DHX37: variants seen among roughly 807,000 people sequenced by gnomAD.
The protein encoded by DHX37 is probable ATP-dependent RNA helicase DHX37.
In DHX37, 52 loss-of-function variants were observed where a neutral mutation model predicts 134.3. That is an observed-to-expected ratio of 0.39 (90% confidence interval 0.31 to 0.49). The LOEUF (loss-of-function observed/expected upper bound fraction) is 0.49, where lower values mean the gene tolerates loss of function less well. Among genes scored for constraint, DHX37 ranks in the 20% least tolerant of loss-of-function variants. The pLI, the probability that DHX37 is intolerant of heterozygous loss-of-function variation, is 0.93. For synonymous variants in DHX37, 634 were observed against 670.7 expected, an observed-to-expected ratio of 0.95 and a Z score of 0.85; for missense variants, 1,344 against 1,580.8, an observed-to-expected ratio of 0.85 and a Z score of 2.54.
At position 124,957,060 on chromosome 12, in the gene DHX37, C is replaced by T; in HGVS notation, c.2233G>A (p.Gly745Ser). The part of the protein sequence containing the change: ...LAAEELLIAL[G>S]ALQPPQKAER... ...GCTTTCTGGGGCGGTTGCAGGGCAC[C>T]CAGTGCGATCAACAGCTCCTCGGCG... The change falls in exon 17 of 27, where the codon GGT becomes AGT. Residue 745 changes from glycine to serine, a missense_variant. Coordinates refer to ENST00000308736, the MANE Select transcript of DHX37 (RefSeq NM_032656.4). 6.6e-7 allele frequency: 1 copy of T among 1,508,562 alleles called. No homozygotes were observed. Among genetic ancestry groups the T allele is most frequent in the Non-Finnish European group, 8.8e-7 (1 of 1,133,356 alleles). 93.4% of individuals were successfully genotyped at this position (1,508,562 alleles called of 1,614,324 possible).
At chr12:124,948,375 G>A (rs118127015) in intron 25 of DHX37, 194 bp from the exon 26 acceptor site, 14,201 of 978,650 alleles carry the variant, frequency 0.015, 138 homozygotes, top group African/African-American at 0.043. Flanking sequence ...CCTTGAGCCT[G>A]GGAGTTGGAG....
intron 10 of DHX37, among the ~76,000 whole-genome samples, chr12:124,968,006 G>A (rs1200752858): frequency 2.6e-5 from 4 of 152,060 alleles, no homozygotes; most frequent in Admixed American, 6.6e-5. Flanking sequence ...ACTTGAACCC[G>A]GGAGGTGGAG....
At chr12:124,988,134 C>T (rs1954909396) in intron 1 of DHX37, among the ~76,000 whole-genome samples, 1 of 151,860 alleles carries the variant, frequency 6.6e-6, no homozygotes, top group Non-Finnish European at 1.5e-5. Context: ...GCTGGGACTA[C>T]AGGTGCCCAC....
chr12:124,965,221 C>T (rs1332773511), intron 13 of DHX37, among the ~76,000 whole-genome samples: 3 of 152,230 alleles, frequency 2.0e-5, no homozygotes, highest in African/African-American at 7.2e-5. Flanking sequence ...TGAACCGGAT[C>T]TGAACCCCTG....
Position 124,949,863 on chromosome 12 carries a change from G to T in DHX37, c.3290+123C>A. On this transcript the variant is annotated intron_variant, in intron 25 of 26. Coordinates refer to ENST00000308736, the MANE Select transcript of DHX37 (RefSeq NM_032656.4). This position sits in a 1 kb window ranked among gnomAD's most constrained non-coding sequence, Gnocchi z 4.0. ...GTGGCTCTGCAGAGCCTTCAGACCT[G>T]AGCACAGACTTCTGATGTTTTAAGC... 1.8e-6 allele frequency: 2 copies of T among 1,140,220 alleles called. No individual in the cohort carries two copies. Among genetic ancestry groups the T allele is most frequent in the African/African-American group, 1.5e-5 (1 of 65,032 alleles). 70.6% of individuals were successfully genotyped at this position (1,140,220 alleles called of 1,614,324 possible). A position where few individuals can be genotyped will look rare whatever the true frequency, so the allele number is the denominator to read the frequency against.
intron 20 of DHX37, chr12:124,953,572 G>A: frequency 2.7e-6 from 1 of 374,958 alleles, no homozygotes; most frequent in Non-Finnish European, 5.0e-6. Flanking sequence ...CATGTGGGAG[G>A]GAAGAGGGGT....
In DHX37 at chr12:124,956,796, C is replaced by T. The variant is rs144942500; in HGVS notation, c.2348G>A (p.Arg783His). The T allele has an allele frequency of 9.7e-5, 156 of 1,611,864 alleles. No individual in the cohort carries two copies. In the African/African-American group the frequency reaches 1.6e-3, roughly 17 times the overall value. The change falls in exon 18 of 27, where the codon CGC becomes CAC. Residue 783 changes from arginine (R) to histidine (H), a missense_variant. Arg to His is a conservative substitution (Grantham distance 29, BLOSUM62 0). Around this residue, in one of 7 missense-constraint regions of DHX37, gnomAD observed 558 missense variants for 650.0 expected, o/e 0.86. Transcript: ENST00000308736. ...RTMATFPVAP[R>H]YAKMLALSRQ... ...GCTCAGTGCCAGCATCTTAGCGTAGCGGGGTGCCACGGGGAATGTGGCCAT... is the reference window on the plus strand; with the variant it reads ...GCTCAGTGCCAGCATCTTAGCGTAGTGGGGTGCCACGGGGAATGTGGCCAT...
chr12:124,967,584 G>A (rs1255308909), intron 10 of DHX37, among the ~76,000 whole-genome samples: 2 of 152,140 alleles, frequency 1.3e-5, no homozygotes, highest in African/African-American at 4.8e-5. Flanking sequence ...CTCACCTCCT[G>A]CCAGCCCCAG....
chr12:124,981,587 A>C (rs1426422795), intron 3 of DHX37, among the ~76,000 whole-genome samples: 1 of 152,094 alleles, frequency 6.6e-6, no homozygotes, highest in East Asian at 1.9e-4. Context: ...GGCATGAGCC[A>C]CCATGCCCAG....
rs1216803574 is a variant in DHX37 at position 124,949,937 on chromosome 12, G to A, written c.3290+49C>T. 1 of 1,553,178 alleles carries A rather than the reference G, an allele frequency of 6.4e-7. No individual in the cohort carries two copies. The highest frequency in any genetic ancestry group is 2.4e-5 in the East Asian group (1 of 41,842). ...CTGGCAGCCCCGGGGAGGTCATTCA[G>A]GCCTCGGACCCCTCCTGCCCACTGC... On this transcript the variant is annotated intron_variant, in intron 25 of 26. Transcript: ENST00000308736. The surrounding 1 kb of genome is among the most constrained non-coding windows in gnomAD (Gnocchi z 4.0).
rs899738582 is a variant in DHX37 at position 124,947,701 on chromosome 12, G to A, written c.*101C>T. On this transcript the variant is annotated 3_prime_UTR_variant, in exon 27 of 27. Transcript: ENST00000308736. ...GGCTTGACCCACTTCCTGAGAGCAG[G>A]CCACGAAGCCCATGCCAGGTGGTCA... 39 of 1,412,350 alleles carry A rather than the reference G, an allele frequency of 2.8e-5. No homozygotes were observed. The highest frequency in any genetic ancestry group is 2.3e-4 in the Admixed American group (8 of 35,280). 87.5% of individuals were successfully genotyped at this position (1,412,350 alleles called of 1,614,324 possible).
At chr12:124,954,316 G>A in intron 18 of DHX37, 105 bp from the exon 19 acceptor site, 4 of 1,463,774 alleles carry the variant, frequency 2.7e-6, no homozygotes, top group Non-Finnish European at 3.6e-6. Context: ...AGGCCTTGTG[G>A]GGTCACTGAT....
rs116497060 is a variant in DHX37, at chr12:124,986,258, G to T, written c.114C>A (p.Asp38Glu). 14 of 1,613,520 alleles carry T rather than the reference G, an allele frequency of 8.7e-6. No homozygotes were observed. In the East Asian group the frequency reaches 3.1e-4, roughly 36 times the overall value. ...PPVQLELEDK[D>E]TLKGVDASNA... ...TGCTTGCATCAACTCCCTTCAACGT[G>T]TCCTTGTCTGAGAGAGCACAGTTAT... Residue 38 changes from aspartate (D) to glutamate (E), a missense_variant, in exon 2 of 27, where the codon GAC becomes GAA. Transcript: ENST00000308736.
At chr12:124,981,617 T>A (rs1459536757) in intron 3 of DHX37, among the ~76,000 whole-genome samples, 10 of 151,912 alleles carry the variant, frequency 6.6e-5, no homozygotes, top group Non-Finnish European at 1.5e-4. Context: ...GTATTTTTAG[T>A]GGAGACAGGG....
In DHX37 at chr12:124,986,214, C is replaced by G; in HGVS notation, c.158G>C (p.Gly53Ala). The G allele has an allele frequency of 6.2e-7, 1 of 1,614,114 alleles. No homozygotes were observed. Residue 53 changes from glycine (G) to alanine (A), a missense_variant, in exon 2 of 27, where the codon GGG becomes GCG. By Grantham distance (60) the Gly-to-Ala change is moderately conservative. Coordinates refer to ENST00000308736, the MANE Select transcript of DHX37 (RefSeq NM_032656.4). ...VDASNALVLPGKKKKKTKAPP... is the reference protein window; with the variant it reads ...VDASNALVLPAKKKKKTKAPP... The stretch of plus-strand genomic sequence containing the variant: ...GGCTTTGGTCTTCTTTTTCTTCTTC[C>G]CCGGTAGAACGAGCGCGTTGCTTGC...
chr12:124,948,186 G>T lies in DHX37; in HGVS notation c.3291-5C>A, dbSNP rs777066276. On this transcript the variant is annotated splice_polypyrimidine_tract_variant and splice_region_variant and intron_variant, in intron 25 of 26. Coordinates refer to ENST00000308736, the MANE Select transcript of DHX37 (RefSeq NM_032656.4). ...CTCTCCGTACGGGGCTGCAGCCTGT[G>T]GGGCAGGAATGCACGTTGGTGGCAG... 5 of 1,613,148 alleles carry T rather than the reference G, an allele frequency of 3.1e-6. No individual in the cohort carries two copies. In the South Asian group the frequency reaches 5.5e-5, roughly 18 times the overall value.
intron 18 of DHX37, 88 bp from the exon 19 acceptor site, chr12:124,954,299 G>A: frequency 1.3e-6 from 2 of 1,496,518 alleles, no homozygotes; most frequent in South Asian, 1.4e-5. Flanking sequence ...CATCGGGACA[G>A]GCTCAGAGGC....
Position 124,953,913 on chromosome 12 carries a change from T to C in DHX37, c.2662A>G (p.Ile888Val). 6.2e-7 allele frequency: 1 copy of C among 1,612,494 alleles called. No individual in the cohort carries two copies. Among genetic ancestry groups the C allele is most frequent in the Non-Finnish European group, 8.5e-7 (1 of 1,179,650 alleles). ...NGLRYKAMME[I>V]RRLRGQLTTA... ...GTCAGCTGGCCCCGCAGGCGCCGGA[T>C]CTCCATCATGGCTTTGTACCGCAGC... is the stretch of plus-strand genomic sequence containing the variant. Residue 888 changes from isoleucine to valine, a missense_variant, in exon 20 of 27, where the codon ATC (isoleucine) becomes GTC (valine). Ile to Val is a conservative substitution (Grantham distance 29). Around this residue, in one of 7 missense-constraint regions of DHX37, gnomAD observed 558 missense variants for 650.0 expected, o/e 0.86. Transcript: ENST00000308736.
chr12:124,965,876 G>A, intron 12 of DHX37, 64 bp from the exon 13 acceptor site: 1 of 1,564,484 alleles, frequency 6.4e-7, no homozygotes, highest in East Asian at 2.3e-5. Flanking sequence ...CGTGGCACGT[G>A]CAGGAAGACA....
Sources: allele counts gnomAD v4.1 joint callset (sites outside exome capture counted in the v4.1 genomes callset), GRCh38; gene constraint gnomAD v4.1.1; regional missense constraint gnomAD v4.1.1; non-coding constraint Gnocchi (gnomAD v3.1); transcripts MANE v1.5; gene names NCBI Gene and HGNC (gene_info 2026-07-23, HGNC 2026-07-21).